The following ZFP64 variants were observed in gnomAD, a reference collection of about 807,000 sequenced individuals.
ZFP64 encodes zinc finger protein 64.
ZFP64 carries 14 observed loss-of-function variants against 51.6 expected under a neutral mutation model. That is an observed-to-expected ratio of 0.27 (90% CI 0.18 to 0.42). The LOEUF (loss-of-function observed/expected upper bound fraction) is 0.42, where lower values mean the gene tolerates loss of function less well. Among genes scored for constraint, ZFP64 ranks in the 10% least tolerant of loss-of-function variants. ZFP64 has a pLI of 1.00. For missense variants in ZFP64, 754 were observed against 906.8 expected, an observed-to-expected ratio of 0.83 and a Z score of 2.16; for synonymous variants, 375 against 361.4, an observed-to-expected ratio of 1.04 and a Z score of -0.43.
rs565066869 is a variant in ZFP64 at position 52,085,597 on chromosome 20, C to T, written c.1229-331G>A. ...TGACCCCTTCAGTTTCAAATCTAAA[C>T]TCCCATTTAACTTGACATCCCAGAA... On this transcript the variant is annotated intron_variant, in intron 8 of 8. Coordinates refer to the ZFP64 transcript ENST00000361387. This position sits in a 1 kb window ranked among gnomAD's most constrained non-coding sequence, Gnocchi z 4.3. 5.7e-4 allele frequency among the ~76,000 whole-genome samples: 86 copies of T among 152,164 alleles called. No individual in the cohort carries two copies. Among genetic ancestry groups the T allele is most frequent in the Non-Finnish European group, 6.9e-4 (47 of 68,032 alleles).
intron 5 of ZFP64, among the ~76,000 whole-genome samples, chr20:52,132,194 C>A (rs6096783): frequency 0.16 from 24,026 of 151,792 alleles, 2,113 homozygotes; most frequent in Non-Finnish European, 0.2. Context: ...ATACAACATA[C>A]CCAAATCTGT....
At chr20:52,107,584 T>TA (rs1219235834) in intron 5 of ZFP64, among the ~76,000 whole-genome samples, 5 of 152,154 alleles carry the variant, frequency 3.3e-5, no homozygotes, top group African/African-American at 9.7e-5. Context: ...ATGTATTCCT[T>TA]AAAAAAACAA....
intron 5 of ZFP64, among the ~76,000 whole-genome samples, chr20:52,134,825 T>C (rs897236308): frequency 2.0e-5 from 3 of 152,156 alleles, no homozygotes; most frequent in Admixed American, 1.3e-4. Flanking sequence ...TTTTTTTGTA[T>C]GGTCTGTGAG....
intron 5 of ZFP64, among the ~76,000 whole-genome samples, chr20:52,154,115 AT>A (rs1225715484): frequency 3.9e-5 from 6 of 152,196 alleles, no homozygotes; most frequent in Admixed American, 1.3e-4. Context: ...CATATTCCAA[AT>A]TTACTTCCTC....
At chr20:52,184,592 T>C (rs1210699391) in intron 2 of ZFP64, among the ~76,000 whole-genome samples, 1 of 152,178 alleles carries the variant, frequency 6.6e-6, no homozygotes, top group Non-Finnish European at 1.5e-5. Flanking sequence ...CATATTCCAT[T>C]GTTGGAATCT....
At chr20:52,123,115 C>G (rs1046083988) in intron 5 of ZFP64, among the ~76,000 whole-genome samples, 1 of 152,034 alleles carries the variant, frequency 6.6e-6, no homozygotes, top group African/African-American at 2.4e-5. Flanking sequence ...CTCAGCCTCC[C>G]GAGTAGCTAG....
chr20:52,175,298 T>C (rs1983099450), intron 2 of ZFP64, among the ~76,000 whole-genome samples: 1 of 151,948 alleles, frequency 6.6e-6, no homozygotes, highest in African/African-American at 2.4e-5. Flanking sequence ...AATTTTTGTA[T>C]TTTTTGTAGA....
rs778396467 is a variant in ZFP64, at chr20:52,084,661, C to G, written c.1834G>C (p.Asp612His). The change falls in exon 9 of 9, where the codon GAC (aspartate) becomes CAC (histidine). Residue 612 changes from aspartate to histidine, a missense_variant. Transcript: ENST00000361387. ...CTTTCCGGTGGGAAGGTGACCAAGT[C>G]TGAGTTCTTGTTCTCACTCTGATCA... The G allele has an allele frequency of 2.6e-5, 42 of 1,614,116 alleles. No individual in the cohort carries two copies. The highest frequency in any genetic ancestry group is 3.5e-5 in the Non-Finnish European group (41 of 1,180,056).
intron 5 of ZFP64, among the ~76,000 whole-genome samples, chr20:52,117,956 C>A (rs1978967417): frequency 6.6e-6 from 1 of 151,856 alleles, no homozygotes. Flanking sequence ...CCACAGCACC[C>A]AGCATATTTT....
At chr20:52,127,240 A>G (rs781540274) in intron 5 of ZFP64, among the ~76,000 whole-genome samples, 33 of 151,560 alleles carry the variant, frequency 2.2e-4, no homozygotes, top group Non-Finnish European at 3.5e-4. Context: ...GTGAGCCACC[A>G]CGCCTGGCCC....
Position 52,108,861 on chromosome 20 carries a change from A to AACACACAC in ZFP64, c.764-10282_764-10275dup, listed in dbSNP as rs57127987. ...TCAAGGCTCAAAATTGAAAATCTGA[A>AACACACAC]ACACACACACACACACACACACACA... On this transcript the variant is annotated intron_variant, in intron 5 of 8. Coordinates refer to the ZFP64 transcript ENST00000361387. Among the ~76,000 whole-genome samples the AACACACAC allele has an allele frequency of 5.2e-3, 730 of 139,742 alleles. 5 individuals carry two copies. The highest frequency in any genetic ancestry group is 0.013 in the African/African-American group (488 of 37,368). The allele number at this position is 139,742 out of a possible 152,430, so 91.7% of individuals were successfully genotyped here. A position where few individuals can be genotyped will look rare whatever the true frequency, so the allele number is the denominator to read the frequency against.
At chr20:52,148,675 TG>T (rs1980640626), downstream of ZFP64, among the ~76,000 whole-genome samples, 1 of 146,394 alleles carries the variant, frequency 6.8e-6, no homozygotes, top group Non-Finnish European at 1.5e-5. Flanking sequence ...CACTCCAGGC[TG>T]GGCGACAGCC....
At chr20:52,138,487 T>C (rs1202618304) in intron 5 of ZFP64, among the ~76,000 whole-genome samples, 1 of 148,574 alleles carries the variant, frequency 6.7e-6, no homozygotes, top group African/African-American at 2.5e-5. Flanking sequence ...GAAAAAAAAA[T>C]ACAAAATAAG....
chr20:52,098,375 C>G (rs1023408165), intron 6 of ZFP64: 71 of 1,591,350 alleles, frequency 4.5e-5, no homozygotes, highest in Non-Finnish European at 5.8e-5. Flanking sequence ...CAGAGATTCA[C>G]GTAGGGCTTG....
At chr20:52,104,062 G>C in intron 5 of ZFP64, among the ~76,000 whole-genome samples, 1 of 152,190 alleles carries the variant, frequency 6.6e-6, no homozygotes, top group East Asian at 1.9e-4. Context: ...AGAAGAGGAA[G>C]TCCAGTTACA....
At chr20:52,139,158 A>G (rs1980128644) in intron 5 of ZFP64, among the ~76,000 whole-genome samples, 1 of 152,158 alleles carries the variant, frequency 6.6e-6, no homozygotes, top group African/African-American at 2.4e-5. Context: ...CTACCACTCG[A>G]CTCAGCAATC....
intron 5 of ZFP64, among the ~76,000 whole-genome samples, chr20:52,155,786 C>T (rs928339040): frequency 2.0e-5 from 3 of 152,118 alleles, no homozygotes; most frequent in African/African-American, 7.2e-5. Context: ...TGGCACATAG[C>T]GAGGTTTAAA....
At chr20:52,098,554 T>C (rs377395828) in exon 6 of ZFP64, 67 of 1,614,014 alleles carry the variant, frequency 4.2e-5, no homozygotes, top group Non-Finnish European at 5.7e-5. Context: ...GGAGAGGCAG[T>C]TTGCTTTTGG....
chr20:52,102,522 A>G (rs1471830500), intron 5 of ZFP64, among the ~76,000 whole-genome samples: 1 of 152,164 alleles, frequency 6.6e-6, no homozygotes, highest in Non-Finnish European at 1.5e-5. Flanking sequence ...AACCCATCCT[A>G]TGTCCCTCAG....
Sources: allele counts gnomAD v4.1 joint callset (sites outside exome capture counted in the v4.1 genomes callset), GRCh38; gene constraint gnomAD v4.1.1; non-coding constraint Gnocchi (gnomAD v3.1); transcripts MANE v1.5; gene names NCBI Gene and HGNC (gene_info 2026-07-23, HGNC 2026-07-21).